Variants in RPGR observed in about 807,000 individuals in gnomAD.
The protein encoded by RPGR is retinitis pigmentosa GTPase regulator.
Under a neutral mutation model 56.3 loss-of-function variants are expected in RPGR, and 10 were observed. The ratio of observed to expected loss-of-function variants is 0.18; its 90% CI spans 0.11 to 0.30. RPGR has a LOEUF of 0.30. Among genes scored for constraint, RPGR ranks in the 10% least tolerant of loss-of-function variants. The pLI, the probability that RPGR is intolerant of heterozygous loss-of-function variation, is 1.00. For synonymous variants in RPGR, 197 were observed against 212.9 expected, an observed-to-expected ratio of 0.93 and a Z score of 0.65; for missense variants, 538 against 590.9, an observed-to-expected ratio of 0.91 and a Z score of 0.93.
chrX:38,300,353 C>T (rs1308781363), intron 9 of RPGR, among the ~76,000 whole-genome samples: 2 of 111,842 alleles, frequency 1.8e-5, no homozygotes, highest in Non-Finnish European at 1.9e-5. Flanking sequence ...TTATGAGACA[C>T]TGAGTCTCTG....
chrX:38,322,859 C>T lies in RPGR; in HGVS notation c.241G>A (p.Val81Ile). Residue 81 changes from valine (V) to isoleucine (I), a missense_variant, in exon 3 of 19, where the codon GTC (valine) becomes ATC (isoleucine). Val to Ile is a conservative substitution (Grantham distance 29). This residue lies in a region of RPGR where 181 missense variants were observed against 265.1 expected (regional missense o/e 0.68). Coordinates refer to ENST00000642395, the MANE Select transcript of RPGR (RefSeq NM_000328.3). ...AGATAAAAAGATCCCAAACCTTTGACACATGTTGGCTTGCTGATGGCTGAC... is the reference window on the plus strand; with the variant it reads ...AGATAAAAAGATCCCAAACCTTTGATACATGTTGGCTTGCTGATGGCTGAC... 1.7e-6 allele frequency: 2 copies of T among 1,206,010 alleles called. No individual in the cohort carries two copies. Among genetic ancestry groups the T allele is most frequent in the Non-Finnish European group, 2.2e-6 (2 of 890,259 alleles).
intron 8 of RPGR, among the ~76,000 whole-genome samples, chrX:38,304,031 A>G (rs1231235609): frequency 2.7e-5 from 3 of 111,985 alleles, no homozygotes; most frequent in Non-Finnish European, 3.8e-5. Flanking sequence ...ACTGAGTCCT[A>G]TATTATTAGC....
chrX:38,295,982 T>G (rs1210792709), intron 11 of RPGR: 1 of 112,277 alleles, frequency 8.9e-6, no homozygotes, highest in Non-Finnish European at 1.9e-5. Context: ...TTTTGAAACT[T>G]ACAGTAATTT....
intron 10 of RPGR, 130 bp from the exon 11 acceptor site, chrX:38,297,582 TTCTTAATAA>T (rs895463114): frequency 2.3e-4 from 121 of 536,617 alleles, no homozygotes; most frequent in Non-Finnish European, 3.6e-4. Context: ...CAACATTTAC[TTCTTAATAA>T]TCCCCAAAGG....
chrX:38,317,291 A>G lies in RPGR; in HGVS notation c.619+25T>C, dbSNP rs1396989895. On this transcript the variant is annotated intron_variant, in intron 6 of 18. Transcript: ENST00000642395. The stretch of plus-strand genomic sequence containing the variant: ...TAACAACATAGAAGTGGGAGATAAC[A>G]TGATGACTTCAAAATGTGTCTTACT... The G allele has an allele frequency of 2.5e-6, 3 of 1,190,623 alleles. No individual in the cohort carries two copies. The East Asian group carries it at 8.9e-5, about 35-fold the overall frequency.
In RPGR at chrX:38,310,760, T is replaced by C. The variant is rs760768561; in HGVS notation, c.633A>G (p.Leu211=). 6 of 1,210,099 alleles carry C rather than the reference T, an allele frequency of 5.0e-6. No homozygotes were observed. In the South Asian group the frequency reaches 7.0e-5, roughly 14 times the overall value. The change falls in exon 7 of 19, where the codon CTA becomes CTG. Residue 211 remains leucine, a synonymous_variant. Coordinates refer to ENST00000642395, the MANE Select transcript of RPGR (RefSeq NM_000328.3). ...CATTCTCAGGTTCTCCAAACACATA[T>C]AGCTCACCATCTGCTATTGAAGGAA...
At position 38,290,960 on chromosome X, in the gene RPGR, T is replaced by A; in HGVS notation, c.1571A>T (p.Lys524Met). 1 of 1,025,364 alleles carries A rather than the reference T, an allele frequency of 9.8e-7. No homozygotes were observed. The highest frequency in any genetic ancestry group is 1.3e-6 in the Non-Finnish European group (1 of 745,054). The allele number at this position is 1,025,364 out of a possible 1,213,427, so 84.5% of individuals were successfully genotyped here. The change falls in exon 13 of 19, where the codon AAG becomes ATG. Residue 524 changes from lysine (K) to methionine (M), a missense_variant and splice_region_variant. By Grantham distance (95) the Lys-to-Met change is moderately conservative (BLOSUM62 -1). Around this residue, in one of 2 missense-constraint regions of RPGR, gnomAD observed 357 missense variants for 325.8 expected, o/e 1.10. Transcript: ENST00000642395. ...CGAAAATAAATCTTCATATTATACC[T>A]TTTGTTTCTGAACTGGTGATAATTT...
chrX:38,325,170 TCTC>T (rs2068026423), intron 1 of RPGR, among the ~76,000 whole-genome samples: 1 of 91,359 alleles, frequency 1.1e-5, no homozygotes, highest in South Asian at 5.5e-4. Context: ...TGTGACTCCG[TCTC>T]AAAAAAAAAA....
chrX:38,319,744 GTTAA>G (rs1417346754), intron 4 of RPGR, among the ~76,000 whole-genome samples: 1 of 111,208 alleles, frequency 9.0e-6, no homozygotes, highest in Non-Finnish European at 1.9e-5. Context: ...TAATTACTCT[GTTAA>G]TTAAATAAAA....
At chrX:38,286,787 C>T in intron 15 of RPGR, 3 of 1,160,741 alleles carry the variant, frequency 2.6e-6, no homozygotes, top group East Asian at 3.3e-5. Context: ...TCTTCTTCTC[C>T]TTCTCCATGC....
intron 8 of RPGR, among the ~76,000 whole-genome samples, chrX:38,302,268 G>A (rs1024444975): frequency 2.7e-5 from 3 of 111,493 alleles, no homozygotes; most frequent in African/African-American, 9.8e-5. Flanking sequence ...GTTCAAAGGA[G>A]GGGAATTTTC....
rs1601916324 is a variant in RPGR at position 38,285,224 on chromosome X, T to C, written c.1905+1870A>G. On this transcript the variant is annotated intron_variant, in intron 15 of 18. Coordinates refer to ENST00000642395, the MANE Select transcript of RPGR (RefSeq NM_000328.3). ...ATACACAAACAAAACACTCTTGTAGTATATTCCTGTTTCCTAAAGCTGCCT... is the reference window on the plus strand; with the variant it reads ...ATACACAAACAAAACACTCTTGTAGCATATTCCTGTTTCCTAAAGCTGCCT... 3.3e-6 allele frequency: 3 copies of C among 919,103 alleles called. No homozygotes were observed. In the East Asian group the frequency reaches 1.9e-4, roughly 59 times the overall value. The allele number at this position is 919,103 out of a possible 1,213,427, so 75.7% of individuals were successfully genotyped here.
At chrX:38,273,643 G>A (rs1242680488) in intron 17 of RPGR, 1 of 384,401 alleles carries the variant, frequency 2.6e-6, no homozygotes, top group African/African-American at 2.5e-5. Flanking sequence ...GAAAAGTTGA[G>A]TTAAAGTGAA....
Position 38,287,782 on chromosome X carries a change from T to C in RPGR, c.1753+79A>G, listed in dbSNP as rs774982456. The C allele has an allele frequency of 8.6e-6, 8 of 930,197 alleles. No homozygotes were observed. In the East Asian group the frequency reaches 2.1e-4, roughly 25 times the overall value. 76.7% of individuals were successfully genotyped at this position (930,197 alleles called of 1,213,427 possible). ...ATCAAGTTGATCAACACCATTATTA[T>C]TTTCATGTCTATATACCTCTTTTTG... is the stretch of plus-strand genomic sequence containing the variant. On this transcript the variant is annotated intron_variant, in intron 14 of 18. Transcript: ENST00000642395.
intron 17 of RPGR, among the ~76,000 whole-genome samples, chrX:38,274,366 A>G (rs2066892756): frequency 8.9e-6 from 1 of 112,239 alleles, no homozygotes; most frequent in Non-Finnish European, 1.9e-5. Context: ...CTGGGTGGCC[A>G]TTGTGGCTTT....
rs758870617 is a variant in RPGR, at chrX:38,317,488, G to GAGA, written c.470-26_470-24dup. 5 of 1,190,396 alleles carry GAGA rather than the reference G, an allele frequency of 4.2e-6. No homozygotes were observed. In the Admixed American group the frequency reaches 8.8e-5, roughly 21 times the overall value. ...CCTCTATAAAGAAAAATAAAAGGGG[G>GAGA]AGAAAAGGTTTTAAAAGGTAGCCAG... On this transcript the variant is annotated intron_variant, in intron 5 of 18. Coordinates refer to ENST00000642395, the MANE Select transcript of RPGR (RefSeq NM_000328.3).
intron 14 of RPGR, 73 bp downstream of exon 14, chrX:38,287,788 T>C: frequency 1.0e-6 from 1 of 955,330 alleles, no homozygotes; most frequent in Non-Finnish European, 1.5e-6. Flanking sequence ...ATTATTTTCA[T>C]GTCTATATAC....
At chrX:38,322,439 T>A (rs1415204492) in intron 3 of RPGR, among the ~76,000 whole-genome samples, 1 of 112,372 alleles carries the variant, frequency 8.9e-6, no homozygotes, top group Non-Finnish European at 1.9e-5. Flanking sequence ...GCAGGATAAG[T>A]ATGTTTTATA....
intron 18 of RPGR, chrX:38,272,573 CAA>C (rs759554289): frequency 8.5e-4 from 85 of 100,383 alleles, no homozygotes; most frequent in African/African-American, 3.0e-3. Context: ...GCCTGGGCAA[CAA>C]GAGCGAAACT....
Sources: allele counts gnomAD v4.1 joint callset (sites outside exome capture counted in the v4.1 genomes callset), GRCh38; gene constraint gnomAD v4.1.1; regional missense constraint gnomAD v4.1.1; transcripts MANE v1.5; gene names NCBI Gene and HGNC (gene_info 2026-07-23, HGNC 2026-07-21).